Variants in C3orf22 observed in about 807,000 individuals in gnomAD.
The protein encoded by C3orf22 is uncharacterized protein C3orf22.
In C3orf22, 7 loss-of-function variants were observed where a neutral mutation model predicts 10.8. The observed-to-expected ratio is 0.65, with a 90% CI of 0.37 to 1.22. C3orf22 has a LOEUF of 1.22. C3orf22 is among the 50% of genes most tolerant of loss of function. The probability of loss-of-function intolerance (pLI) is 0.02; values close to 1 mark genes in which losing one functional copy is unlikely to be tolerated. For synonymous variants in C3orf22, 79 were observed against 78.9 expected (o/e 1.00, Z 0.00); for missense variants, 173 against 177.0 (o/e 0.98, Z 0.13).
intron 1 of C3orf22, among the ~76,000 whole-genome samples, chr3:126,558,077 G>A (rs962331969): frequency 1.3e-5 from 2 of 150,540 alleles, no homozygotes; most frequent in African/African-American, 4.9e-5. Flanking sequence ...AGCCTGGGCC[G>A]GGACAGGCAG....
intron 4 of C3orf22, among the ~76,000 whole-genome samples, chr3:126,537,382 T>C (rs1335058673): frequency 6.6e-6 from 1 of 152,208 alleles, no homozygotes; most frequent in Non-Finnish European, 1.5e-5. Flanking sequence ...CGGGGAGCCA[T>C]GCAAGGTTTT....
chr3:126,536,322 G>T, intron 4 of C3orf22: 1 of 1,613,978 alleles, frequency 6.2e-7, no homozygotes, highest in Non-Finnish European at 8.5e-7. Flanking sequence ...GAGAAGAGAA[G>T]CCCCCTGCAG....
At chr3:126,538,236 C>T (rs34987672) in intron 4 of C3orf22, among the ~76,000 whole-genome samples, 40,295 of 152,178 alleles carry the variant, frequency 0.26, 5,488 homozygotes, top group Admixed American at 0.3. Flanking sequence ...TCAGCAGCAG[C>T]CAGCTGCCCA....
chr3:126,539,685 AC>A (rs1936888672), intron 4 of C3orf22, among the ~76,000 whole-genome samples: 1 of 120,818 alleles, frequency 8.3e-6, no homozygotes, highest in Non-Finnish European at 1.7e-5. Flanking sequence ...TACACCACAG[AC>A]ACCACACACA....
chr3:126,549,964 G>A lies in C3orf22; in HGVS notation c.330C>T (p.Phe110=), dbSNP rs750623054. 34 of 1,614,012 alleles carry A rather than the reference G, an allele frequency of 2.1e-5. No individual in the cohort carries two copies. Among genetic ancestry groups the A allele is most frequent in the Non-Finnish European group, 2.9e-5 (34 of 1,180,052 alleles). Residue 110 remains phenylalanine (F), a synonymous_variant, in exon 4 of 4, where the codon TTC becomes TTT. Transcript: ENST00000318225. ...LWELKLLSRR[F]PRQLAFLLST... ...ACAGCAGGAAGGCGAGTTGTCTGGG[G>A]AAGCGGCGACTCAGCAACTTGAGTT...
At chr3:126,541,925 C>T in intron 4 of C3orf22, 1 of 1,596,724 alleles carries the variant, frequency 6.3e-7, no homozygotes, top group South Asian at 1.1e-5. Context: ...GCGCGTGCTG[C>T]TGGCGCTGAG....
chr3:126,549,010 G>T (rs1476028217), downstream of C3orf22, among the ~76,000 whole-genome samples: 1 of 152,178 alleles, frequency 6.6e-6, no homozygotes, highest in African/African-American at 2.4e-5. Context: ...ACACAGTGGG[G>T]GGACCCTTAA....
At chr3:126,544,646 G>A (rs560620987) in intron 4 of C3orf22, among the ~76,000 whole-genome samples, 4 of 152,270 alleles carry the variant, frequency 2.6e-5, no homozygotes, top group Admixed American at 2.6e-4. Context: ...CACAGCCCCC[G>A]ATGGGACCTG....
At chr3:126,551,664 T>C (rs1937189842) in intron 3 of C3orf22, among the ~76,000 whole-genome samples, 1 of 152,164 alleles carries the variant, frequency 6.6e-6, no homozygotes, top group Non-Finnish European at 1.5e-5. Context: ...CAGAAGCTCC[T>C]GGCTCCTTCC....
chr3:126,537,628 G>A (rs1463103916), intron 4 of C3orf22, among the ~76,000 whole-genome samples: 1 of 152,198 alleles, frequency 6.6e-6, no homozygotes, highest in Non-Finnish European at 1.5e-5. Context: ...CAGGCACTCA[G>A]TAGGGCCCTG....
At chr3:126,547,425 G>A (rs1937086648), downstream of C3orf22, among the ~76,000 whole-genome samples, 1 of 152,216 alleles carries the variant, frequency 6.6e-6, no homozygotes, top group Non-Finnish European at 1.5e-5. Context: ...GCACAAGGCA[G>A]GGGCTGCAAA....
intron 3 of C3orf22, 117 bp from the exon 4 acceptor site, chr3:126,550,195 C>A (rs917501681): frequency 6.0e-6 from 7 of 1,171,808 alleles, no homozygotes; most frequent in Non-Finnish European, 6.0e-6. Flanking sequence ...GAGATCTACT[C>A]CCAACCAGGC....
At chr3:126,546,196 T>C (rs111892796), downstream of C3orf22, among the ~76,000 whole-genome samples, 544 of 152,318 alleles carry the variant, frequency 3.6e-3, 5 homozygotes, top group African/African-American at 0.012. Context: ...CCTCTTGGCC[T>C]GGGCACAAGA....
exon 6 of C3orf22, chr3:126,527,111 C>T (rs901306091): frequency 1.3e-5 from 2 of 152,338 alleles, no homozygotes; most frequent in Non-Finnish European, 2.9e-5. Flanking sequence ...ATTCCACTCC[C>T]GCGGCTGCAG....
intron 4 of C3orf22, chr3:126,536,396 C>G: frequency 6.6e-7 from 1 of 1,503,806 alleles, no homozygotes; most frequent in South Asian, 1.1e-5. Flanking sequence ...CCCCTCCATC[C>G]CAGCCAGGAG....
At chr3:126,528,309 A>G (rs1295609084) in intron 5 of C3orf22, among the ~76,000 whole-genome samples, 1 of 152,122 alleles carries the variant, frequency 6.6e-6, no homozygotes, top group African/African-American at 2.4e-5. Flanking sequence ...GCACTGGGCA[A>G]GGTTGCAGGG....
In C3orf22 at chr3:126,550,011, G is replaced by T; in HGVS notation, c.283C>A (p.Pro95Thr). ...AGTTCCCAAAGGTTGCACAGTGGAG[G>T]TGGTGATGGTGCTGGTAGTGGTGCC... ...CPAPLPAPSP[P>T]PLCNLWELKL... The change falls in exon 4 of 4, where the codon CCT becomes ACT. Residue 95 changes from proline (P) to threonine (T), a missense_variant. Transcript: ENST00000318225. 1 of 1,614,122 alleles carries T rather than the reference G, an allele frequency of 6.2e-7. No individual in the cohort carries two copies. The highest frequency in any genetic ancestry group is 8.5e-7 in the Non-Finnish European group (1 of 1,180,008).
At chr3:126,546,269 C>T (rs1445710932), downstream of C3orf22, among the ~76,000 whole-genome samples, 2 of 152,190 alleles carry the variant, frequency 1.3e-5, no homozygotes, top group African/African-American at 2.4e-5. Flanking sequence ...TGTTGGAAGT[C>T]GGGCGATAAA....
chr3:126,551,500 G>T (rs1937186162), intron 3 of C3orf22, among the ~76,000 whole-genome samples: 1 of 152,238 alleles, frequency 6.6e-6, no homozygotes, highest in African/African-American at 2.4e-5. Context: ...CCAAAGGTGT[G>T]CAGGGTTTCT....
Sources: allele counts gnomAD v4.1 joint callset (sites outside exome capture counted in the v4.1 genomes callset), GRCh38; gene constraint gnomAD v4.1.1; transcripts MANE v1.5; gene names NCBI Gene and HGNC (gene_info 2026-07-23, HGNC 2026-07-21).